COMMD7: variants seen among roughly 807,000 people sequenced by gnomAD.
COMMD7 encodes the protein COMM domain-containing protein 7.
In COMMD7, 28 loss-of-function variants were observed where a neutral mutation model predicts 34.8. The observed-to-expected ratio is 0.80, with a 90% CI of 0.60 to 1.10. The LOEUF (loss-of-function observed/expected upper bound fraction) is 1.10, where lower values mean the gene tolerates loss of function less well. Among genes scored for constraint, COMMD7 ranks in the 50% least tolerant of loss-of-function variants. COMMD7 has a pLI of 0.00. For synonymous variants in COMMD7, 80 were observed against 86.4 expected, an observed-to-expected ratio of 0.93 and a Z score of 0.41; for missense variants, 211 against 241.6, an observed-to-expected ratio of 0.87 and a Z score of 0.84.
chr20:32,706,806 T>C (rs1353013847), intron 3 of COMMD7, 46 bp from the exon 4 acceptor site: 4 of 1,504,168 alleles, frequency 2.7e-6, no homozygotes, highest in Non-Finnish European at 3.7e-6. Context: ...ACCAGTGAAT[T>C]AGTCGGCAAT....
chr20:32,703,540 T>C (rs1408146479), intron 8 of COMMD7, 82 bp from the exon 9 acceptor site: 3 of 1,448,538 alleles, frequency 2.1e-6, no homozygotes, highest in Admixed American at 2.5e-5. Flanking sequence ...ACCCGGAGGA[T>C]TTTTTTTTTC....
chr20:32,732,191 C>T (rs180693362), intron 1 of COMMD7, among the ~76,000 whole-genome samples: 242 of 152,228 alleles, frequency 1.6e-3, no homozygotes, highest in Non-Finnish European at 2.8e-3. Flanking sequence ...TCAAAGCAAT[C>T]CTCCCACCTC....
chr20:32,743,397 G>C lies in COMMD7; in HGVS notation c.-6C>G. Reference sequence around the variant, plus strand: ...GTGCAGTGCAGGCGGCCCATGGCGCGCGCCCCAGCCCCGCAGGTTCCACCG... The same window carrying C: ...GTGCAGTGCAGGCGGCCCATGGCGCCCGCCCCAGCCCCGCAGGTTCCACCG... On this transcript the variant is annotated 5_prime_UTR_variant, in exon 1 of 9. Coordinates refer to ENST00000278980, the MANE Select transcript of COMMD7 (RefSeq NM_053041.3). The C allele has an allele frequency of 7.2e-7, 1 of 1,379,672 alleles. No individual in the cohort carries two copies. The highest frequency in any genetic ancestry group is 9.3e-7 in the Non-Finnish European group (1 of 1,072,586). The allele number at this position is 1,379,672 out of a possible 1,614,324, so 85.5% of individuals were successfully genotyped here. A position where few individuals can be genotyped will look rare whatever the true frequency, so the allele number is the denominator to read the frequency against.
At position 32,720,387 on chromosome 20, in the gene COMMD7, C is replaced by T. The variant is rs150144181; in HGVS notation, c.241+7506G>A. Reference sequence around the variant, plus strand: ...GCACATGCCTGTAATCCCAGCTACTCGGGAGGCTGAGGCAGGAGAATCGCT... The same window carrying T: ...GCACATGCCTGTAATCCCAGCTACTTGGGAGGCTGAGGCAGGAGAATCGCT... On this transcript the variant is annotated intron_variant, in intron 3 of 8. Transcript: ENST00000278980. Among the ~76,000 whole-genome samples, 364 of 151,576 alleles carry T rather than the reference C, an allele frequency of 2.4e-3. 3 individuals carry two copies. The highest frequency in any genetic ancestry group is 8.5e-3 in the African/African-American group (352 of 41,328).
chr20:32,734,834 G>A (rs1039405965), intron 1 of COMMD7, among the ~76,000 whole-genome samples: 5 of 152,096 alleles, frequency 3.3e-5, no homozygotes, highest in African/African-American at 1.2e-4. Flanking sequence ...TGAGGCAGGA[G>A]GATGGCTTAA....
At chr20:32,709,528 C>A (rs753395982) in intron 3 of COMMD7, among the ~76,000 whole-genome samples, 2 of 152,070 alleles carry the variant, frequency 1.3e-5, no homozygotes, top group Non-Finnish European at 2.9e-5. Flanking sequence ...CAAGCCTGGG[C>A]GACAGAGCGA....
At chr20:32,703,728 T>A in intron 8 of COMMD7, 2 of 1,452,834 alleles carry the variant, frequency 1.4e-6, no homozygotes, top group Non-Finnish European at 1.8e-6. Flanking sequence ...ATGTTCAATG[T>A]GACTTCTATG....
At chr20:32,712,269 C>CAA (rs56096713) in intron 3 of COMMD7, among the ~76,000 whole-genome samples, 10,557 of 71,202 alleles carry the variant, frequency 0.15, 1,612 homozygotes, top group Non-Finnish European at 0.2. Flanking sequence ...GACTCCGTCT[C>CAA]AAAAAAAAAA....
At chr20:32,704,380 G>GAA in intron 7 of COMMD7, 60 bp downstream of exon 7, 1 of 902,264 alleles carries the variant, frequency 1.1e-6, no homozygotes, top group Non-Finnish European at 1.6e-6. Flanking sequence ...ACCCAATGTA[G>GAA]ATATAATTTT....
At chr20:32,715,545 T>G (rs1472736889) in intron 3 of COMMD7, among the ~76,000 whole-genome samples, 3 of 151,246 alleles carry the variant, frequency 2.0e-5, no homozygotes, top group Non-Finnish European at 4.4e-5. Flanking sequence ...TGATGGCTCA[T>G]GCCTATATCT....
chr20:32,733,740 C>T (rs1483767165), intron 1 of COMMD7, among the ~76,000 whole-genome samples: 2 of 148,950 alleles, frequency 1.3e-5, no homozygotes, highest in African/African-American at 5.0e-5. Flanking sequence ...AAAAAATTAG[C>T]CAGGCGTGGT....
At chr20:32,712,450 G>A (rs1309352915) in intron 3 of COMMD7, among the ~76,000 whole-genome samples, 1 of 151,280 alleles carries the variant, frequency 6.6e-6, no homozygotes, top group East Asian at 2.0e-4. Flanking sequence ...AGAGGTTGAA[G>A]TGAGCCAAGA....
intron 3 of COMMD7, among the ~76,000 whole-genome samples, chr20:32,724,278 GC>G (rs1380675828): frequency 3.8e-5 from 1 of 26,042 alleles, no homozygotes; most frequent in Non-Finnish European, 1.1e-4. Context: ...TGGGGGGTCA[GC>G]CCCCCGACCG....
intron 1 of COMMD7, among the ~76,000 whole-genome samples, chr20:32,729,946 G>C (rs1985744088): frequency 6.6e-6 from 1 of 152,104 alleles, no homozygotes; most frequent in African/African-American, 2.4e-5. Flanking sequence ...CCAGGAGGCA[G>C]GGGTTGCAGT....
chr20:32,721,985 C>T (rs1041657088), intron 3 of COMMD7, among the ~76,000 whole-genome samples: 14 of 151,010 alleles, frequency 9.3e-5, no homozygotes, highest in African/African-American at 2.9e-4. Flanking sequence ...CGCTTGAACC[C>T]GGGAGGTGGA....
chr20:32,710,056 T>G (rs1292192331), intron 3 of COMMD7, among the ~76,000 whole-genome samples: 1 of 151,870 alleles, frequency 6.6e-6, no homozygotes, highest in African/African-American at 2.4e-5. Flanking sequence ...TTTTTAATTT[T>G]TTTTTCTAGA....
Position 32,743,228 on chromosome 20 carries a change from C to A in COMMD7, c.84+80G>T, listed in dbSNP as rs941752587. 4.6e-5 allele frequency: 38 copies of A among 826,772 alleles called. No individual in the cohort carries two copies. The South Asian group carries it at 6.1e-4, about 13-fold the overall frequency. The allele number at this position is 826,772 out of a possible 1,614,324, so 51.2% of individuals were successfully genotyped here. A position where few individuals can be genotyped will look rare whatever the true frequency, so the allele number is the denominator to read the frequency against. On this transcript the variant is annotated intron_variant, in intron 1 of 8. Transcript: ENST00000278980. ...CTAGTCTCTCCCAACTCCCGCGCACCCCCGGACGTCCCCCCCACCCCAGGC... is the reference window on the plus strand; with the variant it reads ...CTAGTCTCTCCCAACTCCCGCGCACACCCGGACGTCCCCCCCACCCCAGGC...
chr20:32,727,395 G>A (rs1456260301), intron 3 of COMMD7, among the ~76,000 whole-genome samples: 1 of 151,792 alleles, frequency 6.6e-6, no homozygotes, highest in Admixed American at 6.6e-5. Context: ...AAATTAGCTG[G>A]GCGTGGTGGT....
chr20:32,704,678 C>T (rs1340402194), intron 6 of COMMD7, 136 bp downstream of exon 6: 2 of 797,990 alleles, frequency 2.5e-6, no homozygotes, highest in Non-Finnish European at 2.1e-6. Context: ...TGAATGTGGA[C>T]AGAATACAAA....
Sources: allele counts gnomAD v4.1 joint callset (sites outside exome capture counted in the v4.1 genomes callset), GRCh38; gene constraint gnomAD v4.1.1; transcripts MANE v1.5; gene names NCBI Gene and HGNC (gene_info 2026-07-23, HGNC 2026-07-21).